Variants in TUSC3 observed in about 807,000 individuals in gnomAD.
The protein encoded by TUSC3 is tumor suppressor candidate 3, also known as dolichyl-diphosphooligosaccharide--protein glycosyltransferase subunit TUSC3.
A neutral mutation model predicts 44.8 loss-of-function variants in TUSC3; 45 were observed. That is an observed-to-expected ratio of 1.00 (90% CI 0.79 to 1.29). The LOEUF is 1.29. Ranked by LOEUF, TUSC3 falls within the 50% of genes most tolerant of loss-of-function variation. The pLI is 0.00. For synonymous variants in TUSC3, 212 were observed against 152.9 expected, an observed-to-expected ratio of 1.39 and a Z score of -2.85; for missense variants, 519 against 437.9, an observed-to-expected ratio of 1.19 and a Z score of -1.65.
chr8:15,731,189 T>G (rs567147098), intron 7 of TUSC3, among the ~76,000 whole-genome samples: 17 of 152,114 alleles, frequency 1.1e-4, no homozygotes, highest in African/African-American at 4.1e-4. Context: ...TGAGTCAGAC[T>G]AAGTGTTGTG....
At chr8:15,489,663 C>A (rs1220667022) in intron 2 of TUSC3, among the ~76,000 whole-genome samples, 1 of 152,110 alleles carries the variant, frequency 6.6e-6, no homozygotes, top group Non-Finnish European at 1.5e-5. Context: ...TATCTCACTG[C>A]CACAAAGAGT....
At chr8:15,429,868 C>G (rs1241834695) in intron 1 of TUSC3, among the ~76,000 whole-genome samples, 1 of 151,660 alleles carries the variant, frequency 6.6e-6, no homozygotes, top group African/African-American at 2.4e-5. Flanking sequence ...TGCAAATAAA[C>G]TAGAAAATCT....
At chr8:15,595,856 C>T (rs1043319662) in intron 1 of TUSC3, among the ~76,000 whole-genome samples, 3 of 152,168 alleles carry the variant, frequency 2.0e-5, no homozygotes. Context: ...AGTTGTACTT[C>T]TGCTATCTTT....
At chr8:15,558,918 G>A (rs538280470) in intron 1 of TUSC3, among the ~76,000 whole-genome samples, 20 of 151,280 alleles carry the variant, frequency 1.3e-4, no homozygotes, top group Admixed American at 5.3e-4. Flanking sequence ...TCTTGCTAGC[G>A]GTCTATCAAT....
intron 1 of TUSC3, among the ~76,000 whole-genome samples, chr8:15,573,442 G>A (rs1335308258): frequency 6.6e-6 from 1 of 151,688 alleles, no homozygotes; most frequent in Non-Finnish European, 1.5e-5. Context: ...CCACACTTCC[G>A]TAGATTGTGC....
chr8:15,657,848 G>T (rs1807243197), intron 3 of TUSC3, among the ~76,000 whole-genome samples: 1 of 152,286 alleles, frequency 6.6e-6, no homozygotes, highest in Admixed American at 6.5e-5. Flanking sequence ...ATAATGAACA[G>T]ATATTTGTTT....
the TUSC3 span, among the ~76,000 whole-genome samples, chr8:15,801,719 C>T: frequency 6.6e-6 from 1 of 152,070 alleles, no homozygotes; most frequent in Non-Finnish European, 1.5e-5. Context: ...CCATGTAGAA[C>T]GTACCCTTGC....
At chr8:15,454,480 G>C (rs186744761) in intron 1 of TUSC3, among the ~76,000 whole-genome samples, 69 of 152,298 alleles carry the variant, frequency 4.5e-4, no homozygotes, top group African/African-American at 1.5e-3. Flanking sequence ...ATTTGATTTA[G>C]CTAAAGGAAT....
intron 9 of TUSC3, among the ~76,000 whole-genome samples, chr8:15,752,941 C>G (rs1259000292): frequency 6.6e-6 from 1 of 151,792 alleles, no homozygotes; most frequent in Non-Finnish European, 1.5e-5. Flanking sequence ...GGAAAAACTT[C>G]CTTATTCTTG....
intron 1 of TUSC3, among the ~76,000 whole-genome samples, chr8:15,441,366 C>A (rs914065601): frequency 6.6e-6 from 1 of 152,174 alleles, no homozygotes; most frequent in Non-Finnish European, 1.5e-5. Flanking sequence ...GAGATCGCGT[C>A]ACTGCACTCC....
the TUSC3 span, among the ~76,000 whole-genome samples, chr8:15,834,976 G>C: frequency 1.3e-5 from 2 of 152,126 alleles, no homozygotes; most frequent in Non-Finnish European, 2.9e-5. Flanking sequence ...GACATGCAAG[G>C]GTCATGTAAC....
intron 6 of TUSC3, among the ~76,000 whole-genome samples, chr8:15,678,012 G>C (rs1808263284): frequency 1.3e-5 from 2 of 152,184 alleles, no homozygotes; most frequent in African/African-American, 4.8e-5. Context: ...TGGGAGAAGA[G>C]AGGGAAACTG....
At chr8:15,570,097 T>G (rs1158005400) in intron 1 of TUSC3, among the ~76,000 whole-genome samples, 1 of 152,288 alleles carries the variant, frequency 6.6e-6, no homozygotes, top group Non-Finnish European at 1.5e-5. Flanking sequence ...ACATTATTAC[T>G]ACTCTTGGTT....
intron 1 of TUSC3, among the ~76,000 whole-genome samples, chr8:15,608,331 G>T (rs889396313): frequency 1.3e-5 from 2 of 151,176 alleles, no homozygotes; most frequent in Non-Finnish European, 1.5e-5. Flanking sequence ...ACTTTATATT[G>T]GTGCTTTTTG....
chr8:15,769,702 A>C (rs1812408161), downstream of TUSC3, among the ~76,000 whole-genome samples: 1 of 152,212 alleles, frequency 6.6e-6, no homozygotes, highest in African/African-American at 2.4e-5. Flanking sequence ...CTAATAATCC[A>C]GAATCTACAA....
At chr8:15,615,875 T>C (rs889082903) in intron 1 of TUSC3, among the ~76,000 whole-genome samples, 1 of 152,100 alleles carries the variant, frequency 6.6e-6, no homozygotes, top group Non-Finnish European at 1.5e-5. Flanking sequence ...GATATAAACA[T>C]GTAGTTAGAT....
At chr8:15,732,476 T>TC (rs1257666552) in intron 7 of TUSC3, among the ~76,000 whole-genome samples, 1 of 152,166 alleles carries the variant, frequency 6.6e-6, no homozygotes, top group African/African-American at 2.4e-5. Context: ...AACCTTTGTT[T>TC]CTTTATAAAT....
At chr8:15,570,221 C>T (rs1340277810) in intron 1 of TUSC3, among the ~76,000 whole-genome samples, 2 of 151,586 alleles carry the variant, frequency 1.3e-5, no homozygotes, top group African/African-American at 4.8e-5. Context: ...AAACACTCCA[C>T]ATCTTTTTCC....
At chr8:15,783,544 G>A in the TUSC3 span, among the ~76,000 whole-genome samples, 1 of 151,876 alleles carries the variant, frequency 6.6e-6, no homozygotes, top group African/African-American at 2.4e-5. Flanking sequence ...CAATGGAATA[G>A]GATACAGACT....
Sources: gnomAD v4.1 joint callset for allele counts (sites outside exome capture counted in the v4.1 genomes callset) on GRCh38, gnomAD v4.1.1 for gene constraint, MANE v1.5 for transcripts, NCBI Gene and HGNC (gene_info 2026-07-23, HGNC 2026-07-21) for gene names.